MAST4: variants seen among roughly 807,000 people sequenced by gnomAD.
The protein encoded by MAST4 is microtubule-associated serine/threonine-protein kinase 4.
In MAST4, 89 loss-of-function variants were observed where a neutral mutation model predicts 162.7. That is an observed-to-expected ratio of 0.55 (90% CI 0.46 to 0.65). The LOEUF is 0.65. Among genes scored for constraint, MAST4 ranks in the 30% least tolerant of loss-of-function variants. The probability of loss-of-function intolerance (pLI) is 0.00; values close to 1 mark genes in which losing one functional copy is unlikely to be tolerated. For missense variants in MAST4, 3,153 were observed against 3,374.0 expected (o/e 0.93, Z 1.62); for synonymous variants, 1,479 against 1,361.1 (o/e 1.09, Z -1.91).
Position 66,726,186 on chromosome 5 carries a change from A to C in MAST4, c.364-33523A>C, listed in dbSNP as rs544800892. Among the ~76,000 whole-genome samples the C allele has an allele frequency of 2.0e-5, 3 of 152,202 alleles. No homozygotes were observed. The South Asian group carries it at 6.2e-4, about 32-fold the overall frequency. On this transcript the variant is annotated intron_variant, in intron 1 of 28. Coordinates refer to ENST00000403625, the MANE Select transcript of MAST4 (RefSeq NM_001164664.2). ...GGTCAGGGAAGGGAGGGAGGGTCTC[A>C]CTGAAGTGATGTTTAAGACTTGGAG...
chr5:67,166,651 T>C lies in MAST4; in HGVS notation c.7472T>C (p.Met2491Thr). ...DTSSAKAAGG[M>T]LELPAPSNRD... is the part of the protein sequence containing the mutation. ...TCTTCTGCCAAGGCCGCCGGGGGCA[T>C]GCTGGAGCTTCCAGCCCCCAGCAAC... Residue 2491 changes from methionine to threonine, a missense_variant, in exon 29 of 29, where the codon ATG becomes ACG. Transcript: ENST00000403625. 1 of 1,599,274 alleles carries C rather than the reference T, an allele frequency of 6.3e-7. No homozygotes were observed. Among genetic ancestry groups the C allele is most frequent in the South Asian group, 1.1e-5 (1 of 88,454 alleles).
chr5:66,984,333 T>C (rs1341715987), intron 4 of MAST4, among the ~76,000 whole-genome samples: 1 of 152,090 alleles, frequency 6.6e-6, no homozygotes, highest in Admixed American at 6.5e-5. Context: ...AAGAGTGGTG[T>C]GGGCACAGGG....
chr5:66,985,408 C>G (rs190309976), intron 4 of MAST4, among the ~76,000 whole-genome samples: 2 of 152,226 alleles, frequency 1.3e-5, no homozygotes, highest in East Asian at 3.9e-4. Context: ...CCTTAACATG[C>G]CAGCAGCTTG....
At chr5:66,751,787 C>T (rs1335122533) in intron 1 of MAST4, among the ~76,000 whole-genome samples, 3 of 149,518 alleles carry the variant, frequency 2.0e-5, no homozygotes, top group African/African-American at 7.5e-5. Flanking sequence ...TCAGGAAATA[C>T]AGAGAACGCC....
intron 26 of MAST4, among the ~76,000 whole-genome samples, 181 bp downstream of exon 26, chr5:67,153,761 C>G (rs1253453574): frequency 6.6e-6 from 1 of 152,140 alleles, no homozygotes; most frequent in Non-Finnish European, 1.5e-5. Context: ...AAATAATGTC[C>G]TTATATCTGC....
chr5:66,994,913 T>G (rs1750461004), intron 4 of MAST4, among the ~76,000 whole-genome samples: 1 of 152,228 alleles, frequency 6.6e-6, no homozygotes, highest in Non-Finnish European at 1.5e-5. Flanking sequence ...GCTTTTTCAT[T>G]GTACAACATG....
intron 4 of MAST4, among the ~76,000 whole-genome samples, chr5:66,952,655 A>T (rs190287431): frequency 1.2e-4 from 19 of 152,216 alleles, no homozygotes; most frequent in Admixed American, 1.0e-3. Flanking sequence ...CTCACTAAAG[A>T]TTTGTTCAAT....
chr5:66,804,259 A>G (rs994792549), intron 3 of MAST4, among the ~76,000 whole-genome samples: 3 of 150,374 alleles, frequency 2.0e-5, no homozygotes, highest in Non-Finnish European at 4.4e-5. Context: ...ATCAGCAACT[A>G]TTAGTATAAT....
At chr5:66,921,132 T>A (rs1454930304) in intron 4 of MAST4, among the ~76,000 whole-genome samples, 1 of 150,486 alleles carries the variant, frequency 6.6e-6, no homozygotes, top group Admixed American at 6.6e-5. Context: ...GGCAGGGGGG[T>A]TGCCCTAAAA....
chr5:66,646,016 C>A (rs13179408), intron 1 of MAST4, among the ~76,000 whole-genome samples: 57,751 of 152,026 alleles, frequency 0.38, 12,112 homozygotes, highest in African/African-American at 0.53. Context: ...TGATTTTACT[C>A]TAACAGGTTG....
At chr5:67,046,176 G>T (rs1038303801) in intron 4 of MAST4, among the ~76,000 whole-genome samples, 1 of 151,978 alleles carries the variant, frequency 6.6e-6, no homozygotes, top group East Asian at 1.9e-4. Context: ...GTGTAAGCGC[G>T]CTCTGTGATG....
intron 4 of MAST4, among the ~76,000 whole-genome samples, chr5:67,043,576 A>T (rs749302808): frequency 2.9e-4 from 44 of 152,230 alleles, no homozygotes; most frequent in Non-Finnish European, 3.5e-4. Context: ...GCCATTTGAA[A>T]ATAATCTAAT....
chr5:66,741,042 A>G (rs1295405091), intron 1 of MAST4, among the ~76,000 whole-genome samples: 1 of 152,160 alleles, frequency 6.6e-6, no homozygotes, highest in Admixed American at 6.5e-5. Flanking sequence ...CCATGGAGAA[A>G]GGAGACATTG....
intron 1 of MAST4, among the ~76,000 whole-genome samples, chr5:66,597,793 T>C (rs1742298022): frequency 1.3e-5 from 2 of 152,184 alleles, no homozygotes; most frequent in African/African-American, 4.8e-5. Context: ...ACACTGAGCA[T>C]AGGACTCTGG....
intron 4 of MAST4, chr5:67,004,920 T>G: frequency 2.8e-6 from 2 of 703,728 alleles, no homozygotes; most frequent in South Asian, 1.5e-5. Context: ...GGCCTTGTCT[T>G]TCTTCCTTTT....
chr5:66,743,694 G>C (rs533524187), intron 1 of MAST4, among the ~76,000 whole-genome samples: 72 of 152,338 alleles, frequency 4.7e-4, no homozygotes, highest in African/African-American at 1.7e-3. Context: ...CAGGGAAACA[G>C]GAGGATAGCA....
intron 4 of MAST4, among the ~76,000 whole-genome samples, chr5:66,985,358 A>ATGC (rs1749359872): frequency 6.6e-6 from 1 of 152,182 alleles, no homozygotes; most frequent in South Asian, 2.1e-4. Context: ...AGAAGGTAGA[A>ATGC]TGCAGGTGCT....
At chr5:66,911,644 G>T (rs1257782407) in intron 4 of MAST4, among the ~76,000 whole-genome samples, 1 of 149,078 alleles carries the variant, frequency 6.7e-6, no homozygotes, top group Non-Finnish European at 1.5e-5. Flanking sequence ...GCTGAGGCTG[G>T]AGGATTGCTT....
intron 3 of MAST4, among the ~76,000 whole-genome samples, chr5:66,883,677 T>C (rs1384451113): frequency 6.6e-6 from 1 of 152,146 alleles, no homozygotes; most frequent in Non-Finnish European, 1.5e-5. Flanking sequence ...TCCACCCACC[T>C]TGGCCTCCCA....
Sources: allele counts gnomAD v4.1 joint callset (sites outside exome capture counted in the v4.1 genomes callset), GRCh38; gene constraint gnomAD v4.1.1; transcripts MANE v1.5; gene names NCBI Gene and HGNC (gene_info 2026-07-23, HGNC 2026-07-21).